Variants in HAUS6 observed in about 807,000 individuals in gnomAD.
HAUS6 encodes the protein HAUS augmin like complex subunit 6.
A neutral mutation model predicts 106.8 loss-of-function variants in HAUS6; 80 were observed. The observed-to-expected ratio is 0.75, with a 90% CI of 0.63 to 0.90. The LOEUF is 0.90. Among genes scored for constraint, HAUS6 ranks in the 40% least tolerant of loss-of-function variants. HAUS6 has a pLI of 0.00. For missense variants in HAUS6, 1,155 were observed against 1,118.1 expected (o/e 1.03, Z -0.47); for synonymous variants, 356 against 379.1 (o/e 0.94, Z 0.71).
intron 1 of HAUS6, among the ~76,000 whole-genome samples, chr9:19,099,997 C>T (rs181771024): frequency 5.9e-5 from 9 of 152,256 alleles, no homozygotes; most frequent in Non-Finnish European, 1.2e-4. Context: ...TTTAAGATTC[C>T]GCCTGGCTAA....
chr9:19,059,388 A>G (rs1836557102), intron 15 of HAUS6, among the ~76,000 whole-genome samples: 1 of 152,252 alleles, frequency 6.6e-6, no homozygotes, highest in Non-Finnish European at 1.5e-5. Flanking sequence ...TAACTCTGCC[A>G]TGATAGCATG....
intron 11 of HAUS6, among the ~76,000 whole-genome samples, chr9:19,072,603 A>C (rs1257178983): frequency 6.6e-6 from 1 of 152,196 alleles, no homozygotes; most frequent in Non-Finnish European, 1.5e-5. Context: ...ATATCATGGA[A>C]GTCTGAAAGA....
chr9:19,087,372 C>T (rs1837323250), intron 5 of HAUS6, among the ~76,000 whole-genome samples: 1 of 152,104 alleles, frequency 6.6e-6, no homozygotes, highest in South Asian at 2.1e-4. Flanking sequence ...ATATCCTCTC[C>T]GATTAAAATG....
chr9:19,093,352 T>C (rs956944784), intron 3 of HAUS6, 49 bp from the exon 4 acceptor site: 25 of 1,465,744 alleles, frequency 1.7e-5, no homozygotes, highest in Non-Finnish European at 2.4e-5. Context: ...TAACAATAAC[T>C]CTTACATTTA....
chr9:19,092,371 T>C (rs1817770490), intron 4 of HAUS6, among the ~76,000 whole-genome samples: 1 of 151,304 alleles, frequency 6.6e-6, no homozygotes, highest in Non-Finnish European at 1.5e-5. Flanking sequence ...ATCCTAACAC[T>C]TTGGGAGGCC....
intron 1 of HAUS6, among the ~76,000 whole-genome samples, chr9:19,098,612 C>T (rs950112870): frequency 3.9e-5 from 6 of 152,100 alleles, no homozygotes; most frequent in African/African-American, 7.2e-5. Flanking sequence ...AACTGCAAAG[C>T]GCTTCTTCCC....
intron 15 of HAUS6, 88 bp downstream of exon 15, chr9:19,060,000 A>G: frequency 2.0e-6 from 2 of 1,007,102 alleles, no homozygotes; most frequent in Non-Finnish European, 3.0e-6. Flanking sequence ...GCCTTTGGCA[A>G]CTCAGCTAAA....
chr9:19,085,241 T>G (rs1313578804), intron 7 of HAUS6, among the ~76,000 whole-genome samples: 1 of 152,192 alleles, frequency 6.6e-6, no homozygotes, highest in African/African-American at 2.4e-5. Flanking sequence ...ATTTTTATCT[T>G]GACAATGGCT....
Position 19,054,253 on chromosome 9 carries a change from T to C in HAUS6, c.*2090A>G, listed in dbSNP as rs969779457. The C allele has an allele frequency of 6.6e-6, 1 of 152,148 alleles. No individual in the cohort carries two copies. The highest frequency in any genetic ancestry group is 6.5e-5 in the Admixed American group (1 of 15,270). 9.4% of individuals were successfully genotyped at this position (152,148 alleles called of 1,614,324 possible). A position where few individuals can be genotyped will look rare whatever the true frequency, so the allele number is the denominator to read the frequency against. ...CGGAAGGGGGAGTAGAGGAAATCCG[T>C]TACAGGGGAACTTACATGCCTTTAA... On this transcript the variant is annotated 3_prime_UTR_variant, in exon 17 of 17. Coordinates refer to ENST00000380502, the MANE Select transcript of HAUS6 (RefSeq NM_017645.5).
rs750031100 is a variant in HAUS6, at chr9:19,058,517, T to C, written c.2250A>G (p.Lys750=). The C allele has an allele frequency of 1.9e-6, 3 of 1,575,414 alleles. No homozygotes were observed. Among genetic ancestry groups the C allele is most frequent in the African/African-American group, 1.4e-5 (1 of 72,318 alleles). Residue 750 remains lysine (K), a synonymous_variant, in exon 16 of 17, where the codon AAA becomes AAG. Transcript: ENST00000380502. The part of the protein sequence containing the change: ...EVSCNKPSTN[K]TMLWNSFQIS... Reference sequence around the variant, plus strand: ...TCTGAAAAGAATTCCACAACATAGTTTTATTTGTGGAAGGTTTGTTACAAG... The same window carrying C: ...TCTGAAAAGAATTCCACAACATAGTCTTATTTGTGGAAGGTTTGTTACAAG...
intron 1 of HAUS6, among the ~76,000 whole-genome samples, chr9:19,097,969 T>C (rs555791807): frequency 1.1e-3 from 167 of 152,330 alleles, no homozygotes; most frequent in African/African-American, 3.7e-3. Context: ...AAACAACACT[T>C]TTGTCCTTAG....
rs148978134 is a variant in HAUS6 at position 19,069,299 on chromosome 9, G to C, written c.1376+920C>G. On this transcript the variant is annotated intron_variant, in intron 12 of 16. Coordinates refer to ENST00000380502, the MANE Select transcript of HAUS6 (RefSeq NM_017645.5). ...TAATCCCCATGAAACTCAATATTTAGATAAAGAATAGAAGAGGAAAAAATG... is the reference window on the plus strand; with the variant it reads ...TAATCCCCATGAAACTCAATATTTACATAAAGAATAGAAGAGGAAAAAATG... 9.1e-4 allele frequency among the ~76,000 whole-genome samples: 138 copies of C among 152,254 alleles called. 2 individuals carry two copies. The Middle Eastern group carries it at 0.01, about 11-fold the overall frequency.
At chr9:19,099,823 G>T (rs1247894167) in intron 1 of HAUS6, among the ~76,000 whole-genome samples, 1 of 152,168 alleles carries the variant, frequency 6.6e-6, no homozygotes, top group Non-Finnish European at 1.5e-5. Flanking sequence ...GCTGACGCGG[G>T]AGGATCACTT....
chr9:19,078,054 T>C (rs1486348188), intron 10 of HAUS6, 122 bp downstream of exon 10: 1 of 717,516 alleles, frequency 1.4e-6, no homozygotes, highest in South Asian at 1.9e-5. Flanking sequence ...CGTGCCACTG[T>C]ACTCCAGCCA....
chr9:19,058,937 T>G lies in HAUS6; in HGVS notation c.1830A>C (p.Pro610=), dbSNP rs775207883. The G allele has an allele frequency of 5.6e-5, 89 of 1,602,300 alleles. 1 individual carries two copies. The South Asian group carries it at 9.2e-4, about 17-fold the overall frequency. The change falls in exon 16 of 17, where the codon CCA becomes CCC. Residue 610 remains proline (P), a synonymous_variant. Coordinates refer to ENST00000380502, the MANE Select transcript of HAUS6 (RefSeq NM_017645.5). ...CTCTATGTTCAGCATCCATTTGAAT[T>G]GGTTCTTTAGTTCTGTTTTCTTCCA... The part of the protein sequence containing the change: ...IEMEENRTKE[P]IQMDAEHREV...
rs1249176239 is a variant in HAUS6, at chr9:19,080,644, C to T, written c.899G>A (p.Gly300Glu). ...AATAACTGTTAAGAGGTTCAGTTTTCCAGCCTCATAAACATTTCCTATGTG... is the reference window on the plus strand; with the variant it reads ...AATAACTGTTAAGAGGTTCAGTTTTTCAGCCTCATAAACATTTCCTATGTG... Reference protein sequence around the residue: ...QLHIGNVYEAGKLNLLTVIQL... With the variant: ...QLHIGNVYEAEKLNLLTVIQL... Residue 300 changes from glycine to glutamate, a missense_variant, in exon 9 of 17, where the codon GGA (glycine) becomes GAA (glutamate). Coordinates refer to ENST00000380502, the MANE Select transcript of HAUS6 (RefSeq NM_017645.5). 3 of 1,608,344 alleles carry T rather than the reference C, an allele frequency of 1.9e-6. No homozygotes were observed. In the East Asian group the frequency reaches 6.7e-5, roughly 36 times the overall value.
intron 13 of HAUS6, 105 bp from the exon 14 acceptor site, chr9:19,063,298 T>C (rs1485440188): frequency 3.4e-5 from 26 of 766,376 alleles, no homozygotes; most frequent in South Asian, 3.1e-4. Flanking sequence ...TAAAAGGTTG[T>C]TAATACTATT....
intron 12 of HAUS6, 119 bp from the exon 13 acceptor site, chr9:19,063,699 G>T (rs766205572): frequency 1.2e-6 from 1 of 805,908 alleles, no homozygotes; most frequent in South Asian, 1.3e-5. Context: ...CACTCAATTC[G>T]TCCCGGTCAT....
At chr9:19,060,766 C>T (rs1158607155) in intron 14 of HAUS6, among the ~76,000 whole-genome samples, 1 of 152,130 alleles carries the variant, frequency 6.6e-6, no homozygotes. Context: ...CAAAATAGTG[C>T]TCTCTATTAA....
Sources: gnomAD v4.1 joint callset for allele counts (sites outside exome capture counted in the v4.1 genomes callset) on GRCh38, gnomAD v4.1.1 for gene constraint, MANE v1.5 for transcripts, NCBI Gene and HGNC (gene_info 2026-07-23, HGNC 2026-07-21) for gene names.